Variants in OR2M3 observed in about 807,000 individuals in gnomAD.
OR2M3 encodes the protein olfactory receptor family 2 subfamily M member 3, also known as olfactory receptor 2M3.
OR2M3 carries 1 observed loss-of-function variant against 4.3 expected under a neutral mutation model. The observed-to-expected ratio is 0.23, with a 90% CI of 0.08 to 1.11. The LOEUF (loss-of-function observed/expected upper bound fraction) is 1.11, where lower values mean the gene tolerates loss of function less well. Among genes scored for constraint, OR2M3 ranks in the 50% most tolerant of loss-of-function variants. The probability of loss-of-function intolerance (pLI) is 0.54; values close to 1 mark genes in which losing one functional copy is unlikely to be tolerated. For synonymous variants in OR2M3, 151 were observed against 139.4 expected, an observed-to-expected ratio of 1.08 and a Z score of -0.59; for missense variants, 410 against 390.4, an observed-to-expected ratio of 1.05 and a Z score of -0.42.
rs775295805 is a variant in OR2M3 at position 248,203,267 on chromosome 1, C to G, written c.200C>G (p.Ser67Cys). Reference protein sequence around the residue: ...TPMYLLLSQLSLMDLMLICTT... With the variant: ...TPMYLLLSQLCLMDLMLICTT... ...ATGTACCTCCTCCTCAGCCAACTGT[C>G]CCTCATGGACCTCATGCTCATCTGC... Residue 67 changes from serine (S) to cysteine (C), a missense_variant, in exon 2 of 2, where the codon TCC (serine) becomes TGC (cysteine). Physicochemically the swap from Ser to Cys is moderately radical, Grantham distance 112. Coordinates refer to ENST00000641626, the MANE Select transcript of OR2M3 (RefSeq NM_001004689.2). The G allele has an allele frequency of 3.1e-6, 5 of 1,613,928 alleles. No homozygotes were observed. In the South Asian group the frequency reaches 4.4e-5, roughly 14 times the overall value.
intron 1 of OR2M3, among the ~76,000 whole-genome samples, chr1:248,198,185 A>G (rs10888325): frequency 0.55 from 83,602 of 152,040 alleles, 23,487 homozygotes; most frequent in Non-Finnish European, 0.62. Context: ...TGCCTTTGAA[A>G]AACAGTTTAA....
At position 248,203,996 on chromosome 1, in the gene OR2M3, C is replaced by A. The variant is rs1443113509; in HGVS notation, c.929C>A (p.Ser310Tyr). Reference protein sequence around the residue: ...AFMKILGKGKSGE With the variant: ...AFMKILGKGKYGE Reference sequence around the variant, plus strand: ...ATGAAGATCTTAGGAAAGGGCAAGTCTGGAGAGTGAGTTACCTAATAAACT... The same window carrying A: ...ATGAAGATCTTAGGAAAGGGCAAGTATGGAGAGTGAGTTACCTAATAAACT... The change falls in exon 2 of 2, where the codon TCT (serine) becomes TAT (tyrosine). Residue 310 changes from serine to tyrosine, a missense_variant. Ser to Tyr is a moderately radical substitution (Grantham distance 144). Transcript: ENST00000641626. The A allele has an allele frequency of 6.2e-7, 1 of 1,613,816 alleles. No individual in the cohort carries two copies. Among genetic ancestry groups the A allele is most frequent in the Non-Finnish European group, 8.5e-7 (1 of 1,179,834 alleles).
rs148673274 is a variant in OR2M3, at chr1:248,199,434, C to T, written c.-19+2133C>T. On this transcript the variant is annotated intron_variant, in intron 1 of 1. Transcript: ENST00000641626. ...TAACTTGGAGTTGCAAAAAATATTT[C>T]GCCACAGGTCCATTTTTATAAGACT... Among the ~76,000 whole-genome samples the T allele has an allele frequency of 1.6e-4, 24 of 152,062 alleles. No individual in the cohort carries two copies. In the East Asian group the frequency reaches 3.3e-3, roughly 21 times the overall value.
At chr1:248,197,610 AGAG>A (rs1666111113) in intron 1 of OR2M3, among the ~76,000 whole-genome samples, 1 of 152,168 alleles carries the variant, frequency 6.6e-6, no homozygotes. Context: ...AATAGATGTC[AGAG>A]GAGAAGAGTA....
chr1:248,210,616 C>T lies in OR2M3; in HGVS notation c.*6610C>T, dbSNP rs1362488085. 6.6e-6 allele frequency: 1 copy of T among 151,202 alleles called. No homozygotes were observed. The highest frequency in any genetic ancestry group is 1.5e-5 in the Non-Finnish European group (1 of 68,102). 9.4% of individuals were successfully genotyped at this position (151,202 alleles called of 1,614,324 possible). A position where few individuals can be genotyped will look rare whatever the true frequency, so the allele number is the denominator to read the frequency against. On this transcript the variant is annotated 3_prime_UTR_variant, in exon 2 of 2. Coordinates refer to ENST00000641626, the MANE Select transcript of OR2M3 (RefSeq NM_001004689.2). ...AACTGATCAGTGTACTTTGTAATGT[C>T]CCCCACCCTTAAGAAGGTTCTTTGT...
In OR2M3 at chr1:248,211,239, A is replaced by G. The variant is rs1459598941; in HGVS notation, c.*7233A>G. Reference sequence around the variant, plus strand: ...ACTTCAACCCAGGTGACATCTTAACATTTGATCTCTAATTACTTCCATCAC... The same window carrying G: ...ACTTCAACCCAGGTGACATCTTAACGTTTGATCTCTAATTACTTCCATCAC... On this transcript the variant is annotated 3_prime_UTR_variant, in exon 2 of 2. Transcript: ENST00000641626. 1 of 152,146 alleles carries G rather than the reference A, an allele frequency of 6.6e-6. No individual in the cohort carries two copies. The highest frequency in any genetic ancestry group is 1.9e-4 in the East Asian group (1 of 5,182). The allele number at this position is 152,146 out of a possible 1,614,324, so 9.4% of individuals were successfully genotyped here.
chr1:248,198,871 G>T (rs1435527679), intron 1 of OR2M3, among the ~76,000 whole-genome samples: 1 of 152,120 alleles, frequency 6.6e-6, no homozygotes, highest in Non-Finnish European at 1.5e-5. Flanking sequence ...CAGTACCACA[G>T]TGTCATGAAA....
At chr1:248,202,639 G>T (rs1007029295) in intron 1 of OR2M3, among the ~76,000 whole-genome samples, 4 of 151,988 alleles carry the variant, frequency 2.6e-5, no homozygotes, top group African/African-American at 7.3e-5. Context: ...GTGAGCAAAG[G>T]CACACATTTA....
rs1239509976 is a variant in OR2M3, at chr1:248,203,955, G to A, written c.888G>A (p.Glu296=). The A allele has an allele frequency of 6.2e-7, 1 of 1,613,844 alleles. No homozygotes were observed. The highest frequency in any genetic ancestry group is 1.3e-5 in the African/African-American group (1 of 74,972). ...NPLIYSLRNK[E]VTRAFMKILG... is the part of the protein sequence containing the mutation. ...TCATCTACAGCCTCCGCAACAAGGA[G>A]GTGACCAGAGCATTCATGAAGATCT... Residue 296 remains glutamate (E), a synonymous_variant, in exon 2 of 2, where the codon GAG becomes GAA. Coordinates refer to ENST00000641626, the MANE Select transcript of OR2M3 (RefSeq NM_001004689.2).
rs139552960 is a variant in OR2M3 at position 248,203,713 on chromosome 1, G to A, written c.646G>A (p.Ala216Thr). Residue 216 changes from alanine (A) to threonine (T), a missense_variant, in exon 2 of 2, where the codon GCT becomes ACT. By Grantham distance (58) the Ala-to-Thr change is moderately conservative. Transcript: ENST00000641626. ...MIVFPVAIII[A>T]SYARVILAVI... ...TGTTTTCCCTGTTGCAATCATCATT[G>A]CTTCCTATGCTCGAGTTATCCTGGC... 4.0e-3 allele frequency: 6,404 copies of A among 1,612,532 alleles called. 169 individuals carry two copies. The East Asian group carries it at 0.057, about 14-fold the overall frequency.
rs1445627128 is a variant in OR2M3 at position 248,206,840 on chromosome 1, C to T, written c.*2834C>T. 1.3e-5 allele frequency: 2 copies of T among 151,894 alleles called. No homozygotes were observed. The highest frequency in any genetic ancestry group is 2.4e-5 in the African/African-American group (1 of 41,368). The allele number at this position is 151,894 out of a possible 1,614,324, so 9.4% of individuals were successfully genotyped here. A position where few individuals can be genotyped will look rare whatever the true frequency, so the allele number is the denominator to read the frequency against. On this transcript the variant is annotated 3_prime_UTR_variant, in exon 2 of 2. Transcript: ENST00000641626. The stretch of plus-strand genomic sequence containing the variant: ...GACAGTGGCTCCACAGAATGATTTA[C>T]AAAGGATTCCCTCTTTATCCTTTGG...
At chr1:248,198,266 T>C (rs1424510057) in intron 1 of OR2M3, among the ~76,000 whole-genome samples, 1 of 152,154 alleles carries the variant, frequency 6.6e-6, no homozygotes, top group Non-Finnish European at 1.5e-5. Flanking sequence ...CTGTGCTTCA[T>C]AAGTGATTTT....
chr1:248,207,228 A>G lies in OR2M3; in HGVS notation c.*3222A>G, dbSNP rs368658656. ...TTTTGGTTAATCTTGCTAATGGTCTATCAACTTTATTCGTCTTTTTAAAGA... is the reference window on the plus strand; with the variant it reads ...TTTTGGTTAATCTTGCTAATGGTCTGTCAACTTTATTCGTCTTTTTAAAGA... On this transcript the variant is annotated 3_prime_UTR_variant, in exon 2 of 2. Coordinates refer to ENST00000641626, the MANE Select transcript of OR2M3 (RefSeq NM_001004689.2). 6.6e-5 allele frequency: 10 copies of G among 152,056 alleles called. No individual in the cohort carries two copies. The highest frequency in any genetic ancestry group is 2.2e-4 in the African/African-American group (9 of 41,504). 9.4% of individuals were successfully genotyped at this position (152,056 alleles called of 1,614,324 possible). A position where few individuals can be genotyped will look rare whatever the true frequency, so the allele number is the denominator to read the frequency against.
rs867730239 is a variant in OR2M3 at position 248,211,499 on chromosome 1, T to C, written c.*7493T>C. 1 of 152,004 alleles carries C rather than the reference T, an allele frequency of 6.6e-6. No homozygotes were observed. The highest frequency in any genetic ancestry group is 1.5e-5 in the Non-Finnish European group (1 of 68,016). The allele number at this position is 152,004 out of a possible 1,614,324, so 9.4% of individuals were successfully genotyped here. On this transcript the variant is annotated 3_prime_UTR_variant, in exon 2 of 2. Coordinates refer to ENST00000641626, the MANE Select transcript of OR2M3 (RefSeq NM_001004689.2). ...AAGTAAATGTTTCTGAATTTTCAAA[T>C]GTAAGTATATTTTTACATAATAGTA... is the stretch of plus-strand genomic sequence containing the variant.
Position 248,206,835 on chromosome 1 carries a change from A to G in OR2M3, c.*2829A>G, listed in dbSNP as rs563826760. 5 of 152,174 alleles carry G rather than the reference A, an allele frequency of 3.3e-5. No homozygotes were observed. The highest frequency in any genetic ancestry group is 1.3e-4 in the Admixed American group (2 of 15,280). The allele number at this position is 152,174 out of a possible 1,614,324, so 9.4% of individuals were successfully genotyped here. The stretch of plus-strand genomic sequence containing the variant: ...AGGGTGACAGTGGCTCCACAGAATG[A>G]TTTACAAAGGATTCCCTCTTTATCC... On this transcript the variant is annotated 3_prime_UTR_variant, in exon 2 of 2. Transcript: ENST00000641626.
In OR2M3 at chr1:248,205,851, T is replaced by A. The variant is rs1358930560; in HGVS notation, c.*1845T>A. On this transcript the variant is annotated 3_prime_UTR_variant, in exon 2 of 2. Transcript: ENST00000641626. ...AAGGATGGTGATATTTTAGTGGGAA[T>A]TGCATTGAATTTGTAAATTGCTTTT... 1 of 152,144 alleles carries A rather than the reference T, an allele frequency of 6.6e-6. No individual in the cohort carries two copies. The highest frequency in any genetic ancestry group is 1.5e-5 in the Non-Finnish European group (1 of 68,004). The allele number at this position is 152,144 out of a possible 1,614,324, so 9.4% of individuals were successfully genotyped here.
At chr1:248,202,988 C>G (rs1666174035) in intron 1 of OR2M3, 62 bp from the exon 2 acceptor site, 1 of 1,422,888 alleles carries the variant, frequency 7.0e-7, no homozygotes, top group African/African-American at 1.4e-5. Flanking sequence ...ACCACAATCA[C>G]ATGATTTATA....
chr1:248,201,145 C>A (rs925523867), intron 1 of OR2M3, among the ~76,000 whole-genome samples: 5 of 152,084 alleles, frequency 3.3e-5, no homozygotes, highest in Non-Finnish European at 7.3e-5. Flanking sequence ...AATCTAAATG[C>A]CACAACATAC....
chr1:248,197,362 A>T (rs528831038), intron 1 of OR2M3, 61 bp downstream of exon 1: 18 of 152,258 alleles, frequency 1.2e-4, no homozygotes, highest in African/African-American at 4.1e-4. Context: ...CTAGTGCTGA[A>T]ATTTCTGCTG....
Sources: gnomAD v4.1 joint callset for allele counts (sites outside exome capture counted in the v4.1 genomes callset) on GRCh38, gnomAD v4.1.1 for gene constraint, MANE v1.5 for transcripts, NCBI Gene and HGNC (gene_info 2026-07-23, HGNC 2026-07-21) for gene names.